The following RGL1 variants were observed in gnomAD, a reference collection of about 807,000 sequenced individuals.
RGL1 encodes the protein ral guanine nucleotide dissociation stimulator like 1.
Under a neutral mutation model 95.2 loss-of-function variants are expected in RGL1, and 24 were observed. That is an observed-to-expected ratio of 0.25 (90% CI 0.18 to 0.35). The LOEUF (loss-of-function observed/expected upper bound fraction) is 0.35. RGL1 is among the 10% of genes least tolerant of loss of function. The pLI is 1.00. For missense variants in RGL1, 715 were observed against 936.3 expected, an observed-to-expected ratio of 0.76 and a Z score of 3.08; for synonymous variants, 329 against 344.9, an observed-to-expected ratio of 0.95 and a Z score of 0.51.
chr1:183,839,547 G>C (rs1572484828), intron 2 of RGL1, among the ~76,000 whole-genome samples: 1 of 152,132 alleles, frequency 6.6e-6, no homozygotes, highest in Admixed American at 6.5e-5. Flanking sequence ...TAAAGCCCTT[G>C]CAGTTGCTTA....
chr1:183,743,074 C>T (rs1233826138), intron 2 of RGL1, among the ~76,000 whole-genome samples: 1 of 152,120 alleles, frequency 6.6e-6, no homozygotes, highest in African/African-American at 2.4e-5. Flanking sequence ...TGCAGTGGCA[C>T]AGTCATAGCT....
At chr1:183,817,997 TG>T (rs1485347053) in intron 2 of RGL1, among the ~76,000 whole-genome samples, 9 of 152,188 alleles carry the variant, frequency 5.9e-5, no homozygotes, top group African/African-American at 2.2e-4. Flanking sequence ...TGGTTAGAGT[TG>T]GAGGATTATG....
At chr1:183,704,111 A>G (rs892630341) in intron 1 of RGL1, among the ~76,000 whole-genome samples, 11 of 152,198 alleles carry the variant, frequency 7.2e-5, no homozygotes, top group African/African-American at 2.7e-4. Flanking sequence ...GGCCTTGCAC[A>G]GGTTGTAGGT....
chr1:183,844,360 A>C (rs1434154781), intron 2 of RGL1, among the ~76,000 whole-genome samples: 1 of 152,200 alleles, frequency 6.6e-6, no homozygotes, highest in Non-Finnish European at 1.5e-5. Flanking sequence ...TAAATGCATT[A>C]CAGTAATTTA....
intron 2 of RGL1, among the ~76,000 whole-genome samples, chr1:183,769,311 T>C (rs990520824): frequency 5.9e-5 from 9 of 152,228 alleles, no homozygotes; most frequent in Non-Finnish European, 2.9e-5. Context: ...TTTGGCTGAG[T>C]TTATAGCTTT....
intron 2 of RGL1, among the ~76,000 whole-genome samples, chr1:183,744,763 A>C (rs1439538214): frequency 2.6e-5 from 4 of 152,076 alleles, no homozygotes; most frequent in African/African-American, 9.7e-5. Context: ...TGCTGTTTAT[A>C]TTATTTTAAT....
chr1:183,638,191 A>G (rs1649677591), intron 1 of RGL1, among the ~76,000 whole-genome samples: 1 of 152,216 alleles, frequency 6.6e-6, no homozygotes, highest in Non-Finnish European at 1.5e-5. Flanking sequence ...TTAAGGGAAT[A>G]GTGAAAGAAA....
At chr1:183,818,615 A>G (rs1013030409) in intron 2 of RGL1, among the ~76,000 whole-genome samples, 3 of 152,108 alleles carry the variant, frequency 2.0e-5, no homozygotes, top group East Asian at 1.9e-4. Flanking sequence ...TCTTTGCCCT[A>G]TTCGTTTCAG....
intron 15 of RGL1, among the ~76,000 whole-genome samples, chr1:183,914,346 A>G (rs577504940): frequency 5.3e-5 from 8 of 152,302 alleles, no homozygotes; most frequent in South Asian, 2.1e-4. Flanking sequence ...TGCAGAAGTC[A>G]TGGCTCTTTA....
At chr1:183,848,734 A>G (rs946274525) in intron 3 of RGL1, among the ~76,000 whole-genome samples, 39 of 152,224 alleles carry the variant, frequency 2.6e-4, no homozygotes, top group African/African-American at 8.9e-4. Flanking sequence ...AGAAAATTAA[A>G]TAGACCATCA....
intron 2 of RGL1, among the ~76,000 whole-genome samples, chr1:183,784,111 G>C (rs531990192): frequency 6.6e-6 from 1 of 152,308 alleles, no homozygotes. Context: ...GCAAAAGACA[G>C]GGCAAACTGG....
intron 3 of RGL1, among the ~76,000 whole-genome samples, chr1:183,855,444 A>C (rs949407533): frequency 3.3e-5 from 5 of 152,192 alleles, no homozygotes; most frequent in Admixed American, 3.3e-4. Context: ...AAAATAATTG[A>C]ATTTTTTATT....
intron 10 of RGL1, 96 bp downstream of exon 10, chr1:183,897,993 G>A (rs1667800052): frequency 1.0e-6 from 1 of 963,840 alleles, no homozygotes. Context: ...AGTCAACAGG[G>A]CACCCAGGCT....
At chr1:183,787,676 G>T (rs1660244076) in intron 2 of RGL1, among the ~76,000 whole-genome samples, 1 of 152,116 alleles carries the variant, frequency 6.6e-6, no homozygotes, top group Non-Finnish European at 1.5e-5. Flanking sequence ...GTTGAAATTT[G>T]ATCCCTAGTG....
At chr1:183,694,327 CA>C (rs751446009) in intron 1 of RGL1, among the ~76,000 whole-genome samples, 36 of 152,296 alleles carry the variant, frequency 2.4e-4, no homozygotes, top group Middle Eastern at 6.8e-3. Flanking sequence ...TTGTTTACAA[CA>C]GCTTCCTGAA....
At chr1:183,840,275 G>A (rs947655773) in intron 2 of RGL1, among the ~76,000 whole-genome samples, 1 of 152,180 alleles carries the variant, frequency 6.6e-6, no homozygotes, top group Non-Finnish European at 1.5e-5. Flanking sequence ...CAGGCTTTAA[G>A]CCTTGCTTTA....
chr1:183,840,828 G>A (rs866295564), intron 2 of RGL1, among the ~76,000 whole-genome samples: 45 of 152,266 alleles, frequency 3.0e-4, no homozygotes, highest in African/African-American at 1.0e-3. Flanking sequence ...GGAGGTTGAG[G>A]CTGCATTGAA....
chr1:183,754,197 C>T (rs945170520), intron 2 of RGL1, among the ~76,000 whole-genome samples: 1 of 152,074 alleles, frequency 6.6e-6, no homozygotes, highest in Non-Finnish European at 1.5e-5. Flanking sequence ...AGTCAACTTT[C>T]CTTGTATTGT....
At chr1:183,682,776 C>T (rs1457373419) in intron 1 of RGL1, among the ~76,000 whole-genome samples, 1 of 152,110 alleles carries the variant, frequency 6.6e-6, no homozygotes, top group African/African-American at 2.4e-5. Flanking sequence ...GTGTTAAGTT[C>T]TCCCACTATT....
Sources: allele counts gnomAD v4.1 joint callset (sites outside exome capture counted in the v4.1 genomes callset), GRCh38; gene constraint gnomAD v4.1.1; transcripts MANE v1.5; gene names NCBI Gene and HGNC (gene_info 2026-07-23, HGNC 2026-07-21).